The following KIF7 variants were observed in gnomAD, a reference collection of about 807,000 sequenced individuals.
The protein encoded by KIF7 is kinesin family member 7.
Under a neutral mutation model 135.7 loss-of-function variants are expected in KIF7, and 104 were observed. The observed-to-expected ratio is 0.77, with a 90% CI of 0.65 to 0.90. The LOEUF (loss-of-function observed/expected upper bound fraction) is 0.90, where lower values mean the gene tolerates loss of function less well. Among genes scored for constraint, KIF7 ranks in the 40% least tolerant of loss-of-function variants. The pLI, the probability that KIF7 is intolerant of heterozygous loss-of-function variation, is 0.00. For missense variants in KIF7, 2,005 were observed against 1,839.1 expected (o/e 1.09, Z -1.65); for synonymous variants, 883 against 809.4 (o/e 1.09, Z -1.54).
chr15:89,662,221 G>C, the KIF7 span, among the ~76,000 whole-genome samples: 2 of 152,080 alleles, frequency 1.3e-5, no homozygotes, highest in Non-Finnish European at 2.9e-5. Flanking sequence ...GGAAGGCCAG[G>C]CATGGTGGTT....
At chr15:89,631,760 CA>C in intron 14 of KIF7, 50 bp from the exon 15 acceptor site, 2 of 1,468,218 alleles carry the variant, frequency 1.4e-6, no homozygotes, top group East Asian at 2.5e-5. Flanking sequence ...ACTGTCCTCA[CA>C]GGGGGGACAG....
chr15:89,630,894 TCA>T (rs1963659326), intron 15 of KIF7: 2 of 355,620 alleles, frequency 5.6e-6, no homozygotes, highest in South Asian at 2.4e-5. Flanking sequence ...CAGAATATAC[TCA>T]CACAAACCTA....
chr15:89,626,861 C>A, downstream of KIF7: 1 of 1,369,842 alleles, frequency 7.3e-7, no homozygotes, highest in Non-Finnish European at 1.0e-6. Context: ...TTCTTAAAGT[C>A]TGTTTTTGTG....
intron 1 of KIF7, among the ~76,000 whole-genome samples, chr15:89,620,296 C>T (rs922107043): frequency 6.6e-6 from 1 of 152,134 alleles, no homozygotes; most frequent in African/African-American, 2.4e-5. Context: ...GTAGCCTCAA[C>T]CTCCCAGGCT....
chr15:89,639,065 T>C, intron 11 of KIF7, among the ~76,000 whole-genome samples: 1 of 151,958 alleles, frequency 6.6e-6, no homozygotes, highest in Non-Finnish European at 1.5e-5. Context: ...TAATAAATGG[T>C]GCTGGGAAAA....
In KIF7 at chr15:89,648,861, G is replaced by T. The variant is rs886070003; in HGVS notation, c.924-87C>A. The T allele has an allele frequency of 2.7e-6, 4 of 1,467,126 alleles. No individual in the cohort carries two copies. The Admixed American group carries it at 6.9e-5, about 25-fold the overall frequency. 90.9% of individuals were successfully genotyped at this position (1,467,126 alleles called of 1,614,324 possible). A position where few individuals can be genotyped will look rare whatever the true frequency, so the allele number is the denominator to read the frequency against. ...CAGACCTGGGACCGGCTCCTGGCGC[G>T]GTTCCCGTGGGCTGGAGACCTCAGG... On this transcript the variant is annotated intron_variant, in intron 4 of 18. Coordinates refer to ENST00000394412, the MANE Select transcript of KIF7 (RefSeq NM_198525.3).
chr15:89,656,359 C>CTTTTTTTTT (rs112951627), upstream of KIF7, among the ~76,000 whole-genome samples: 11 of 142,702 alleles, frequency 7.7e-5, no homozygotes, highest in African/African-American at 2.3e-4. Flanking sequence ...CTTTTTAACT[C>CTTTTTTTTT]TTTTTTTTTT....
At position 89,630,814 on chromosome 15, in the gene KIF7, G is replaced by A. The variant is rs116674735; in HGVS notation, c.3112-321C>T. On this transcript the variant is annotated intron_variant, in intron 15 of 18. Coordinates refer to ENST00000394412, the MANE Select transcript of KIF7 (RefSeq NM_198525.3). Reference sequence around the variant, plus strand: ...ACGGAGGCACCACGGTGTCTGCTGGGTAAGCTTCTACAGATGGGGATACGT... The same window carrying A: ...ACGGAGGCACCACGGTGTCTGCTGGATAAGCTTCTACAGATGGGGATACGT... 1,984 of 459,800 alleles carry A rather than the reference G, an allele frequency of 4.3e-3. 44 individuals are homozygous for A. Among genetic ancestry groups the A allele is most frequent in the African/African-American group, 0.037 (1,856 of 50,664 alleles). 28.5% of individuals were successfully genotyped at this position (459,800 alleles called of 1,614,324 possible). A position where few individuals can be genotyped will look rare whatever the true frequency, so the allele number is the denominator to read the frequency against.
At chr15:89,634,687 G>C (rs1217182177) in intron 11 of KIF7, among the ~76,000 whole-genome samples, 2 of 152,254 alleles carry the variant, frequency 1.3e-5, no homozygotes, top group Admixed American at 1.3e-4. Context: ...CGCCCACAGA[G>C]TCTGGCTGAT....
At chr15:89,635,869 A>G (rs913333493) in intron 11 of KIF7, among the ~76,000 whole-genome samples, 80 of 152,128 alleles carry the variant, frequency 5.3e-4, no homozygotes, top group African/African-American at 1.8e-3. Flanking sequence ...TCCAAGACAC[A>G]TAATTGTCAG....
In KIF7 at chr15:89,632,887, A is replaced by T. The variant is rs375079629; in HGVS notation, c.2828T>A (p.Leu943Gln). 6 of 1,610,414 alleles carry T rather than the reference A, an allele frequency of 3.7e-6. No homozygotes were observed. Among genetic ancestry groups the T allele is most frequent in the African/African-American group, 1.3e-5 (1 of 74,916 alleles). The part of the protein sequence containing the change: ...GEELHKREAI[L>Q]AKKEALMQEK... The stretch of plus-strand genomic sequence containing the variant: ...CTGCATCAGGGCCTCCTTCTTGGCC[A>T]GGATGGCCTCCCGCTTGTGGAGCTC... The change falls in exon 14 of 19, where the codon CTG (leucine) becomes CAG (glutamine). Residue 943 changes from leucine to glutamine, a missense_variant. By Grantham distance (113) the Leu-to-Gln change is moderately radical. Coordinates refer to ENST00000394412, the MANE Select transcript of KIF7 (RefSeq NM_198525.3).
chr15:89,639,026 G>A lies in KIF7; in HGVS notation c.2394+3177C>T, dbSNP rs1387309294. ...ACTATCTGATCTTTGACAAACCTGA[G>A]AAAAGCAATGGGGAAAGGATTCCCT... On this transcript the variant is annotated intron_variant, in intron 11 of 18. Transcript: ENST00000394412. 3.3e-5 allele frequency among the ~76,000 whole-genome samples: 5 copies of A among 151,684 alleles called. No homozygotes were observed. The South Asian group carries it at 1.0e-3, about 32-fold the overall frequency.
chr15:89,623,937 CTG>C, downstream of KIF7: 1 of 1,614,102 alleles, frequency 6.2e-7, no homozygotes, highest in Non-Finnish European at 8.5e-7. Context: ...TTTTGCCAAA[CTG>C]TACTTGGCCA....
rs772244933 is a variant in KIF7 at position 89,628,605 on chromosome 15, C to T, written c.3846G>A (p.Leu1282=). 7 of 1,613,474 alleles carry T rather than the reference C, an allele frequency of 4.3e-6. No individual in the cohort carries two copies. The Admixed American group carries it at 1.2e-4, about 27-fold the overall frequency. Residue 1282 remains leucine, a synonymous_variant, in exon 19 of 19, where the codon CTG becomes CTA. Coordinates refer to ENST00000394412, the MANE Select transcript of KIF7 (RefSeq NM_198525.3). ...CGGGGGACCCCTGCTCCTCACCACA[C>T]AGGCTCGAGCGTTTCCAGGTCAAGG... The part of the protein sequence containing the change: ...PLPLTWKRSS[L]CGEEQGSPEE...
intron 11 of KIF7, among the ~76,000 whole-genome samples, chr15:89,639,067 C>T (rs1567062347): frequency 6.6e-6 from 1 of 151,912 alleles, no homozygotes; most frequent in Non-Finnish European, 1.5e-5. Context: ...ATAAATGGTG[C>T]TGGGAAAACT....
At position 89,633,278 on chromosome 15, in the gene KIF7, G is replaced by A. The variant is rs1267144701; in HGVS notation, c.2593-12C>T. On this transcript the variant is annotated splice_polypyrimidine_tract_variant and intron_variant, in intron 12 of 18. Coordinates refer to ENST00000394412, the MANE Select transcript of KIF7 (RefSeq NM_198525.3). ...TTCAGCTCCAGCTCCTGGGTGAGGA[G>A]CTCAGTGGGCAGGGCTGTTTATGGT... 2 of 1,554,146 alleles carry A rather than the reference G, an allele frequency of 1.3e-6. No individual in the cohort carries two copies. The highest frequency in any genetic ancestry group is 1.7e-6 in the Non-Finnish European group (2 of 1,153,196).
At chr15:89,635,407 G>A (rs1328903057) in intron 11 of KIF7, among the ~76,000 whole-genome samples, 1 of 152,112 alleles carries the variant, frequency 6.6e-6, no homozygotes, top group Non-Finnish European at 1.5e-5. Context: ...CAAACCAAAG[G>A]CAAAGAAGTT....
intron 11 of KIF7, among the ~76,000 whole-genome samples, chr15:89,641,429 G>A (rs1355678544): frequency 6.6e-6 from 1 of 152,196 alleles, no homozygotes; most frequent in Non-Finnish European, 1.5e-5. Flanking sequence ...CTAAGACAGA[G>A]AATGCATGAA....
chr15:89,633,906 T>G, intron 11 of KIF7, 23 bp from the exon 12 acceptor site: 1 of 1,613,044 alleles, frequency 6.2e-7, no homozygotes. Context: ...CAGTCTTCAC[T>G]GGGCCATGCA....
Sources: allele counts gnomAD v4.1 joint callset (sites outside exome capture counted in the v4.1 genomes callset), GRCh38; gene constraint gnomAD v4.1.1; transcripts MANE v1.5; gene names NCBI Gene and HGNC (gene_info 2026-07-23, HGNC 2026-07-21).